CMSS1: variants seen among roughly 807,000 people sequenced by gnomAD.
CMSS1 encodes the protein protein CMSS1.
Under a neutral mutation model 43.5 loss-of-function variants are expected in CMSS1, and 33 were observed. That is an observed-to-expected ratio of 0.76 (90% confidence interval 0.57 to 1.01). The LOEUF (loss-of-function observed/expected upper bound fraction) is 1.01. CMSS1 is among the 50% of genes least tolerant of loss of function. CMSS1 has a pLI of 0.00. For synonymous variants in CMSS1, 115 were observed against 117.2 expected, an observed-to-expected ratio of 0.98 and a Z score of 0.12; for missense variants, 313 against 326.4, an observed-to-expected ratio of 0.96 and a Z score of 0.32.
intron 1 of CMSS1, among the ~76,000 whole-genome samples, chr3:99,868,576 T>G (rs1464542375): frequency 6.6e-6 from 1 of 152,248 alleles, no homozygotes; most frequent in African/African-American, 2.4e-5. Context: ...GTGATGTTAC[T>G]TTAAGCTGCC....
At chr3:99,820,405 C>G (rs1413828822) in intron 1 of CMSS1, among the ~76,000 whole-genome samples, 1 of 152,046 alleles carries the variant, frequency 6.6e-6, no homozygotes. Context: ...CCATGTTGGC[C>G]AGGCTGGTCT....
intron 1 of CMSS1, among the ~76,000 whole-genome samples, chr3:100,095,281 T>A (rs1227883648): frequency 2.0e-5 from 3 of 152,208 alleles, no homozygotes; most frequent in African/African-American, 7.2e-5. Flanking sequence ...TTGCGGAGAT[T>A]TTAGTTAGAA....
intron 1 of CMSS1, among the ~76,000 whole-genome samples, chr3:100,019,547 GTAAA>G (rs1283978229): frequency 6.6e-6 from 1 of 152,080 alleles, no homozygotes; most frequent in Non-Finnish European, 1.5e-5. Flanking sequence ...AAAGAGAAAA[GTAAA>G]TACGTAAAAT....
At chr3:100,069,286 T>A (rs2065721157) in intron 1 of CMSS1, among the ~76,000 whole-genome samples, 1 of 151,974 alleles carries the variant, frequency 6.6e-6, no homozygotes, top group African/African-American at 2.4e-5. Flanking sequence ...ACTCTCTTCA[T>A]CCTGTTGTAG....
intron 1 of CMSS1, among the ~76,000 whole-genome samples, chr3:100,098,067 T>C (rs1187223090): frequency 1.3e-5 from 2 of 152,198 alleles, no homozygotes; most frequent in Non-Finnish European, 2.9e-5. Context: ...AGCAACAAGA[T>C]CATAGGTCAG....
At chr3:99,869,132 T>G (rs1276713383) in intron 1 of CMSS1, among the ~76,000 whole-genome samples, 2 of 152,186 alleles carry the variant, frequency 1.3e-5, no homozygotes, top group Non-Finnish European at 2.9e-5. Context: ...AAGTAGAGTT[T>G]TGTTCCTCTT....
intron 1 of CMSS1, among the ~76,000 whole-genome samples, chr3:99,857,881 C>A (rs1181811556): frequency 1.3e-5 from 2 of 152,148 alleles, no homozygotes; most frequent in African/African-American, 2.4e-5. Flanking sequence ...TATGGCAAGA[C>A]TTTTATTCAT....
chr3:99,892,234 A>G (rs932357296), intron 1 of CMSS1, among the ~76,000 whole-genome samples: 1 of 152,180 alleles, frequency 6.6e-6, no homozygotes, highest in African/African-American at 2.4e-5. Flanking sequence ...GCAAGTCTCC[A>G]ATTTTGTATG....
intron 1 of CMSS1, among the ~76,000 whole-genome samples, chr3:100,063,660 A>G (rs1321390537): frequency 3.9e-5 from 6 of 152,202 alleles, no homozygotes; most frequent in African/African-American, 1.4e-4. Context: ...TTGACTTTTC[A>G]TTAAATACCA....
chr3:99,850,382 C>A, intron 1 of CMSS1: 1 of 1,613,386 alleles, frequency 6.2e-7, no homozygotes, highest in Non-Finnish European at 8.5e-7. Flanking sequence ...TTGAAAGCGT[C>A]TTCTAACTTT....
chr3:100,167,781 G>A lies in CMSS1; in HGVS notation c.459G>A (p.Lys153=). 1 of 1,613,528 alleles carries A rather than the reference G, an allele frequency of 6.2e-7. No individual in the cohort carries two copies. The highest frequency in any genetic ancestry group is 8.5e-7 in the Non-Finnish European group (1 of 1,179,812). The change falls in exon 6 of 10, where the codon AAG becomes AAA. Residue 153 remains lysine, a synonymous_variant. Coordinates refer to ENST00000421999, the MANE Select transcript of CMSS1 (RefSeq NM_032359.4). ...WVKLRKNHSE[K]KSVLMLIICS... ...AACTTAGGAAGAACCACAGTGAGAA[G>A]AAATCGGTCCTGATGCTGATCATCT... is the stretch of plus-strand genomic sequence containing the variant.
intron 1 of CMSS1, among the ~76,000 whole-genome samples, chr3:100,010,778 ATT>A (rs11371196): frequency 1.1e-4 from 10 of 93,672 alleles, no homozygotes; most frequent in Admixed American, 4.0e-4. Context: ...CCACGCCCGG[ATT>A]TTTTTTTTTT....
intron 1 of CMSS1, among the ~76,000 whole-genome samples, chr3:99,942,089 C>T (rs1222408573): frequency 3.3e-5 from 5 of 151,598 alleles, no homozygotes; most frequent in East Asian, 3.9e-4. Context: ...TGGTGGTGGG[C>T]GCCTGTAGTC....
intron 1 of CMSS1, among the ~76,000 whole-genome samples, chr3:100,079,929 G>T (rs937020358): frequency 6.6e-6 from 1 of 151,900 alleles, no homozygotes. Flanking sequence ...TGCATATATG[G>T]GTAATGTCAT....
chr3:99,918,095 A>G (rs1346964271), intron 1 of CMSS1, among the ~76,000 whole-genome samples: 1 of 152,086 alleles, frequency 6.6e-6, no homozygotes, highest in Non-Finnish European at 1.5e-5. Flanking sequence ...CTTCTGCCTC[A>G]GCCTCCTGAG....
intron 8 of CMSS1, among the ~76,000 whole-genome samples, chr3:100,175,133 C>A: frequency 6.6e-6 from 1 of 151,924 alleles, no homozygotes; most frequent in South Asian, 2.1e-4. Context: ...TTTTGCAATT[C>A]TATTATGGTA....
At chr3:100,097,839 G>C (rs2066237426) in intron 1 of CMSS1, among the ~76,000 whole-genome samples, 1 of 152,144 alleles carries the variant, frequency 6.6e-6, no homozygotes, top group South Asian at 2.1e-4. Flanking sequence ...CTGGATACTT[G>C]CTACCTTCTA....
At chr3:100,156,268 G>T (rs535596989) in intron 2 of CMSS1, among the ~76,000 whole-genome samples, 1 of 144,502 alleles carries the variant, frequency 6.9e-6, no homozygotes, top group Non-Finnish European at 1.5e-5. Context: ...AGGAGTACAG[G>T]TATGCGCCAC....
chr3:99,871,177 T>C (rs1246040465), intron 1 of CMSS1, among the ~76,000 whole-genome samples: 1 of 152,210 alleles, frequency 6.6e-6, no homozygotes, highest in East Asian at 1.9e-4. Flanking sequence ...CTGCCTTGAC[T>C]TAACCTGAGC....
Sources: gnomAD v4.1 joint callset for allele counts (sites outside exome capture counted in the v4.1 genomes callset) on GRCh38, gnomAD v4.1.1 for gene constraint, MANE v1.5 for transcripts, NCBI Gene and HGNC (gene_info 2026-07-23, HGNC 2026-07-21) for gene names.